RARB: variants seen among roughly 807,000 people sequenced by gnomAD.
RARB encodes HBV-activated protein.
In RARB, 17 loss-of-function variants were observed where a neutral mutation model predicts 51.9. The ratio of observed to expected loss-of-function variants is 0.33; its 90% confidence interval spans 0.22 to 0.49. The LOEUF (loss-of-function observed/expected upper bound fraction) is 0.49, where lower values mean the gene tolerates loss of function less well. RARB is among the 20% of genes least tolerant of loss of function. RARB has a pLI of 0.99. For missense variants in RARB, 369 were observed against 550.8 expected (o/e 0.67, Z 3.30); for synonymous variants, 215 against 195.4 (o/e 1.10, Z -0.84).
intron 3 of RARB, among the ~76,000 whole-genome samples, chr3:25,102,872 T>G (rs149160144): frequency 6.6e-6 from 1 of 152,052 alleles, no homozygotes; most frequent in Non-Finnish European, 1.5e-5. Flanking sequence ...GCCAACATGG[T>G]AAAACCCCAT....
At chr3:25,021,711 T>C (rs1356445235) in intron 2 of RARB, among the ~76,000 whole-genome samples, 1 of 152,182 alleles carries the variant, frequency 6.6e-6, no homozygotes, top group Non-Finnish European at 1.5e-5. Flanking sequence ...TGTTCAAATT[T>C]TTTTTTTAAA....
chr3:25,383,977 T>C (rs989054445), intron 5 of RARB, among the ~76,000 whole-genome samples: 1 of 152,030 alleles, frequency 6.6e-6, no homozygotes, highest in Non-Finnish European at 1.5e-5. Context: ...TAGCAACATG[T>C]ACATAGGTAT....
intron 3 of RARB, among the ~76,000 whole-genome samples, chr3:25,072,718 T>A (rs1392426454): frequency 6.6e-6 from 1 of 150,952 alleles, no homozygotes. Context: ...TTTTATTTAT[T>A]TTTTTTTTGA....
chr3:25,252,601 G>GT (rs1231756965), intron 5 of RARB, among the ~76,000 whole-genome samples: 1 of 151,980 alleles, frequency 6.6e-6, no homozygotes, highest in Non-Finnish European at 1.5e-5. Context: ...TATTGTTTTG[G>GT]TTGCTATTAC....
intron 5 of RARB, among the ~76,000 whole-genome samples, chr3:25,262,007 C>T (rs1178585365): frequency 6.6e-6 from 1 of 152,146 alleles, no homozygotes; most frequent in African/African-American, 2.4e-5. Context: ...AAACATAAAC[C>T]TGACACTGTT....
chr3:25,396,507 G>C (rs554323991), intron 5 of RARB, among the ~76,000 whole-genome samples: 111 of 152,302 alleles, frequency 7.3e-4, no homozygotes, highest in African/African-American at 2.6e-3. Flanking sequence ...TTTGAAGAGA[G>C]CATCAGCTGT....
At chr3:25,554,482 C>T (rs138516544) in intron 3 of RARB, among the ~76,000 whole-genome samples, 21 of 152,090 alleles carry the variant, frequency 1.4e-4, no homozygotes, top group African/African-American at 5.1e-4. Context: ...TCTTTTTGCG[C>T]TACAAGGGCA....
chr3:25,338,444 A>C (rs1002647271), intron 5 of RARB, among the ~76,000 whole-genome samples: 1 of 152,144 alleles, frequency 6.6e-6, no homozygotes, highest in Non-Finnish European at 1.5e-5. Context: ...TCTCTTTGCC[A>C]CCTTTGTAGA....
intron 5 of RARB, among the ~76,000 whole-genome samples, chr3:25,233,131 A>C (rs1276020660): frequency 1.3e-5 from 2 of 151,636 alleles, no homozygotes; most frequent in Non-Finnish European, 2.9e-5. Flanking sequence ...ACGTGCCACC[A>C]TACCTGGCTA....
chr3:25,497,190 C>G (rs1318387386), intron 2 of RARB, among the ~76,000 whole-genome samples: 1 of 152,280 alleles, frequency 6.6e-6, no homozygotes, highest in East Asian at 1.9e-4. Flanking sequence ...TGGCCGAAAA[C>G]CAGGTCTTAA....
chr3:25,583,233 A>G (rs527467077), intron 5 of RARB, among the ~76,000 whole-genome samples: 2 of 152,372 alleles, frequency 1.3e-5, no homozygotes, highest in South Asian at 4.1e-4. Context: ...GAAAGTACGC[A>G]AGTTCAAAGA....
chr3:25,371,536 T>C (rs1018343681), intron 5 of RARB, among the ~76,000 whole-genome samples: 6 of 152,186 alleles, frequency 3.9e-5, no homozygotes, highest in African/African-American at 1.4e-4. Context: ...AATGAAGAAA[T>C]AAATGAATTT....
At chr3:25,427,557 G>A (rs1428898798), upstream of RARB, among the ~76,000 whole-genome samples, 2 of 152,128 alleles carry the variant, frequency 1.3e-5, no homozygotes, top group South Asian at 2.1e-4. Context: ...TGTGTGTTTG[G>A]GACAGGGGTA....
At chr3:24,922,140 G>A (rs747036885) in intron 2 of RARB, among the ~76,000 whole-genome samples, 1 of 152,298 alleles carries the variant, frequency 6.6e-6, no homozygotes, top group Middle Eastern at 3.4e-3. Flanking sequence ...AGCACTTCTA[G>A]TGTCAAGTGT....
chr3:24,889,675 A>AGTGTGTGTGTGTGTGTGTGTGTGT (rs71057686), intron 2 of RARB, among the ~76,000 whole-genome samples: 1 of 142,868 alleles, frequency 7.0e-6, no homozygotes, highest in Admixed American at 7.0e-5. Context: ...CACCTCTTAA[A>AGTGTGTGTGTGTGTGTGTGTGTGT]GTGTGTGTGT....
At chr3:25,352,171 A>T (rs1178823818) in intron 5 of RARB, 1 of 152,194 alleles carries the variant, frequency 6.6e-6, no homozygotes, top group African/African-American at 2.4e-5. Context: ...TAAATGAAAG[A>T]CTGTGAACAC....
intron 3 of RARB, among the ~76,000 whole-genome samples, chr3:25,099,764 G>A (rs774597494): frequency 2.0e-5 from 3 of 151,914 alleles, no homozygotes; most frequent in Admixed American, 6.6e-5. Flanking sequence ...TCCGAGTCTC[G>A]GCAATCATAG....
chr3:25,000,485 CCTGCATGGAAGTCTTAACTA>C (rs1340460494), intron 2 of RARB, among the ~76,000 whole-genome samples: 55 of 152,084 alleles, frequency 3.6e-4, no homozygotes, highest in African/African-American at 1.3e-3. Context: ...AGGGTTTTTC[CCTGCATGGAAGTCTTAACTA>C]CTTCTTTGAC....
At chr3:25,310,680 A>C (rs1050479981) in intron 5 of RARB, among the ~76,000 whole-genome samples, 1 of 152,150 alleles carries the variant, frequency 6.6e-6, no homozygotes, top group Admixed American at 6.5e-5. Context: ...ATGGGCTGAC[A>C]ACCCTCCTTG....
Sources: allele counts gnomAD v4.1 joint callset (sites outside exome capture counted in the v4.1 genomes callset), GRCh38; gene constraint gnomAD v4.1.1; transcripts MANE v1.5; gene names NCBI Gene and HGNC (gene_info 2026-07-23, HGNC 2026-07-21).